The following TTC34 variants were observed in gnomAD, a reference collection of about 807,000 sequenced individuals.
The protein encoded by TTC34 is tetratricopeptide repeat protein 34.
A neutral mutation model predicts 40.7 loss-of-function variants in TTC34; 44 were observed. The observed-to-expected ratio is 1.08, with a 90% CI of 0.85 to 1.39. The LOEUF is 1.39. TTC34 is among the 40% of genes most tolerant of loss of function. The probability of loss-of-function intolerance (pLI) is 0.00; values close to 1 mark genes in which losing one functional copy is unlikely to be tolerated. For synonymous variants in TTC34, 422 were observed against 398.6 expected (o/e 1.06, Z -0.70); for missense variants, 884 against 838.0 (o/e 1.05, Z -0.68).
At chr1:2,790,425 T>G in intron 2 of TTC34, 79 bp from the exon 3 acceptor site, 1 of 397,862 alleles carries the variant, frequency 2.5e-6, no homozygotes, top group Non-Finnish European at 4.4e-6. Context: ...CCCCACCAGG[T>G]CCAGGGCTTG....
intron 6 of TTC34, among the ~76,000 whole-genome samples, chr1:2,651,786 C>A (rs1639141800): frequency 6.6e-6 from 1 of 152,080 alleles, no homozygotes; most frequent in South Asian, 2.1e-4. Flanking sequence ...CATCTGACAG[C>A]CGGAAAAACA....
chr1:2,671,815 G>A (rs1351539636), intron 6 of TTC34, among the ~76,000 whole-genome samples: 12 of 152,006 alleles, frequency 7.9e-5, no homozygotes, highest in African/African-American at 1.4e-4. Context: ...CTGACCTCCC[G>A]GAGCAGCACC....
At chr1:2,755,953 G>T (rs1471461553) in intron 6 of TTC34, among the ~76,000 whole-genome samples, 1 of 79,140 alleles carries the variant, frequency 1.3e-5, no homozygotes, top group East Asian at 3.9e-4. Flanking sequence ...ACCCCCAGGT[G>T]AGGATCTGAC....
At chr1:2,653,721 C>A (rs1639234667) in intron 6 of TTC34, among the ~76,000 whole-genome samples, 11 of 151,820 alleles carry the variant, frequency 7.2e-5, no homozygotes, top group African/African-American at 2.4e-4. Context: ...TCTGGAGCAG[C>A]ACCCACAACC....
intron 6 of TTC34, among the ~76,000 whole-genome samples, chr1:2,657,433 A>T (rs1233180797): frequency 1.1e-5 from 1 of 88,388 alleles, no homozygotes; most frequent in East Asian, 2.5e-4. Context: ...CCAGGCGAGC[A>T]TCTGAACTCA....
chr1:2,782,846 G>C (rs1643507052), intron 6 of TTC34, among the ~76,000 whole-genome samples: 2 of 152,112 alleles, frequency 1.3e-5, no homozygotes, highest in Admixed American at 6.5e-5. Flanking sequence ...AACTCTTCTG[G>C]GCTCCAGGGA....
At chr1:2,638,572 C>T (rs1171959087) in exon 9 of TTC34, 5 of 152,308 alleles carry the variant, frequency 3.3e-5, no homozygotes, top group African/African-American at 4.8e-5. Context: ...CTGAGGAAGA[C>T]GCAGGCCGGG....
intron 6 of TTC34, among the ~76,000 whole-genome samples, chr1:2,775,796 G>A (rs1454893693): frequency 6.8e-6 from 1 of 146,498 alleles, no homozygotes; most frequent in African/African-American, 2.7e-5. Context: ...CGAATCTTCA[G>A]GTGAGCATCT....
At chr1:2,747,591 C>T (rs1569680598) in intron 6 of TTC34, among the ~76,000 whole-genome samples, 1 of 141,150 alleles carries the variant, frequency 7.1e-6, no homozygotes, top group Non-Finnish European at 1.5e-5. Context: ...GAACAGCACC[C>T]ACATGCCCAG....
At chr1:2,655,212 A>G (rs1639300705) in intron 6 of TTC34, among the ~76,000 whole-genome samples, 1 of 125,092 alleles carries the variant, frequency 8.0e-6, no homozygotes, top group African/African-American at 3.2e-5. Flanking sequence ...CAGCACCCAC[A>G]CCCCCAGGTG....
intron 6 of TTC34, among the ~76,000 whole-genome samples, chr1:2,752,468 G>A (rs1641354688): frequency 1.4e-5 from 2 of 147,170 alleles, no homozygotes; most frequent in South Asian, 2.2e-4. Flanking sequence ...GTGCGCACGT[G>A]ACAGCCTGGA....
chr1:2,784,991 G>A (rs1008323240), intron 5 of TTC34, among the ~76,000 whole-genome samples: 36 of 136,474 alleles, frequency 2.6e-4, no homozygotes, highest in African/African-American at 9.8e-4. Flanking sequence ...GCTCTGGGCT[G>A]CTCTGGGCCG....
At chr1:2,641,921 AG>A in intron 8 of TTC34, 26 bp from the exon 9 acceptor site, 1 of 1,446,570 alleles carries the variant, frequency 6.9e-7, no homozygotes. Flanking sequence ...AGAGAGAGGC[AG>A]GGAGAGTGGG....
rs28523904 is a variant in TTC34, at chr1:2,698,296, G to A, written c.2227-52733C>T. Among the ~76,000 whole-genome samples the A allele has an allele frequency of 1.1e-3, 75 of 69,300 alleles. 4 individuals are homozygous for A. The highest frequency in any genetic ancestry group is 2.2e-3 in the African/African-American group (54 of 24,310). 45.5% of individuals were successfully genotyped at this position (69,300 alleles called of 152,430 possible). A position where few individuals can be genotyped will look rare whatever the true frequency, so the allele number is the denominator to read the frequency against. ...AAACAGAACCCTGCACCCCCGGTGC[G>A]CACGTGACAGCCTGGAACAGCACCC... On this transcript the variant is annotated intron_variant, in intron 6 of 8. Coordinates refer to ENST00000401095, the Ensembl canonical transcript of TTC34.
At chr1:2,786,761 C>T (rs751643528) in intron 4 of TTC34, among the ~76,000 whole-genome samples, 1 of 152,202 alleles carries the variant, frequency 6.6e-6, no homozygotes, top group African/African-American at 2.4e-5. Context: ...CACCCCACAA[C>T]GTCCCCTCTC....
intron 6 of TTC34, among the ~76,000 whole-genome samples, chr1:2,655,442 C>T (rs1310064701): frequency 7.5e-6 from 1 of 133,584 alleles, no homozygotes; most frequent in African/African-American, 2.9e-5. Flanking sequence ...CAGCCTGGAG[C>T]AGCACCCACA....
chr1:2,656,296 C>A (rs1232505743), intron 6 of TTC34, among the ~76,000 whole-genome samples: 2 of 151,430 alleles, frequency 1.3e-5, no homozygotes, highest in African/African-American at 4.9e-5. Flanking sequence ...GCACCCACAC[C>A]CCCAGGCGAG....
In TTC34 at chr1:2,695,662, A is replaced by AACAGCACCC. The variant is rs1557625968; in HGVS notation, c.2227-50108_2227-50100dup. On this transcript the variant is annotated intron_variant, in intron 6 of 8. Transcript: ENST00000401095. The stretch of plus-strand genomic sequence containing the variant: ...AACAGGTGAGCATCTGACCGCCTGG[A>AACAGCACCC]ACAGCACCCACACCCCCAGGTGAGC... Among the ~76,000 whole-genome samples the AACAGCACCC allele has an allele frequency of 3.3e-5, 5 of 149,410 alleles. 1 individual carries two copies. Among genetic ancestry groups the AACAGCACCC allele is most frequent in the African/African-American group, 7.3e-5 (3 of 40,834 alleles).
chr1:2,776,301 C>T (rs1485852685), intron 6 of TTC34: 8 of 124,506 alleles, frequency 6.4e-5, no homozygotes, highest in Non-Finnish European at 1.3e-4. Context: ...GGTAAGATTC[C>T]AACAGCATGG....
Sources: allele counts gnomAD v4.1 joint callset (sites outside exome capture counted in the v4.1 genomes callset), GRCh38; gene constraint gnomAD v4.1.1; transcripts MANE v1.5; gene names NCBI Gene and HGNC (gene_info 2026-07-23, HGNC 2026-07-21).